CFAP74: variants seen among roughly 807,000 people sequenced by gnomAD.
CFAP74 encodes the protein cilia and flagella associated protein 74, also known as cilia- and flagella-associated protein 74.
A neutral mutation model predicts 188.9 loss-of-function variants in CFAP74; 124 were observed. That is an observed-to-expected ratio of 0.66 (90% CI 0.57 to 0.76). The LOEUF (loss-of-function observed/expected upper bound fraction) is 0.76. Ranked by LOEUF, CFAP74 falls within the 30% of genes least tolerant of loss-of-function variation. CFAP74 has a pLI of 0.00. For synonymous variants in CFAP74, 956 were observed against 916.7 expected, an observed-to-expected ratio of 1.04 and a Z score of -0.77; for missense variants, 2,198 against 2,165.2, an observed-to-expected ratio of 1.02 and a Z score of -0.30.
chr1:1,969,030 T>C (rs1020740390), intron 10 of CFAP74, among the ~76,000 whole-genome samples, 197 bp from the exon 11 acceptor site: 4 of 152,008 alleles, frequency 2.6e-5, no homozygotes, highest in Non-Finnish European at 5.9e-5. Context: ...GCAGGGCTCT[T>C]GGGGTGGGAA....
chr1:1,967,929 GTGAA>G (rs1327623265), intron 11 of CFAP74, among the ~76,000 whole-genome samples: 8 of 149,380 alleles, frequency 5.4e-5, no homozygotes, highest in East Asian at 4.0e-4. Context: ...GAATGTGTGA[GTGAA>G]TGAATGAATG....
At chr1:1,998,469 T>C (rs568270581) in intron 1 of CFAP74, among the ~76,000 whole-genome samples, 4 of 152,286 alleles carry the variant, frequency 2.6e-5, no homozygotes, top group African/African-American at 9.6e-5. Context: ...AGGAATGCTG[T>C]GAGGCTGATA....
chr1:1,988,645 C>A lies in CFAP74; in HGVS notation c.163G>T (p.Glu55Ter), dbSNP rs1356241203. The A allele has an allele frequency of 3.1e-6, 5 of 1,608,458 alleles. No homozygotes were observed. The East Asian group carries it at 8.9e-5, about 29-fold the overall frequency. ...VDPGHSSSVK[E>*]LDTDADKLKK... ...AATTTATCAGCATCAGTATCTAGTTCTTTCACTGAGCTTAGGATGAAAAGG... is the reference window on the plus strand; with the variant it reads ...AATTTATCAGCATCAGTATCTAGTTATTTCACTGAGCTTAGGATGAAAAGG... Residue 55 changes from glutamate (E) to a stop codon, truncating the protein, a stop_gained, in exon 4 of 39, where the codon GAA becomes TAA. Coordinates refer to ENST00000682832, the MANE Select transcript of CFAP74 (RefSeq NM_001304360.2). LOFTEE classifies it high-confidence loss of function.
intron 25 of CFAP74, among the ~76,000 whole-genome samples, chr1:1,936,444 T>C (rs1209233630): frequency 6.6e-6 from 1 of 151,648 alleles, no homozygotes; most frequent in African/African-American, 2.4e-5. Flanking sequence ...CTCGGGAGGC[T>C]GAGGCAGGAG....
chr1:1,976,907 G>A (rs1339211053), intron 6 of CFAP74, among the ~76,000 whole-genome samples: 1 of 151,376 alleles, frequency 6.6e-6, no homozygotes, highest in African/African-American at 2.4e-5. Context: ...GTACAGTGGT[G>A]CGGTCTCAGC....
chr1:1,999,413 C>T (rs534886717), intron 1 of CFAP74, among the ~76,000 whole-genome samples: 2 of 152,146 alleles, frequency 1.3e-5, no homozygotes, highest in East Asian at 1.9e-4. Context: ...AGCGGGGAGT[C>T]GATGGGGGGT....
chr1:1,994,776 G>A (rs769585237), intron 1 of CFAP74, among the ~76,000 whole-genome samples: 34 of 152,322 alleles, frequency 2.2e-4, no homozygotes, highest in Non-Finnish European at 3.8e-4. Context: ...TCCGGTTAAA[G>A]ACGGCACTTC....
In CFAP74 at chr1:1,985,450, A is replaced by T. The variant is rs1657173218; in HGVS notation, c.436T>A (p.Phe146Ile). The T allele has an allele frequency of 6.2e-7, 1 of 1,614,010 alleles. No individual in the cohort carries two copies. Among genetic ancestry groups the T allele is most frequent in the Non-Finnish European group, 8.5e-7 (1 of 1,180,014 alleles). ...TCTCTCTCGTTCTCCAGCTCTGCAA[A>T]CAGGCGTCTGGACACGGCCTGGAGG... ...GRLQAVSRRL[F>I]AELENERDLQ... The change falls in exon 6 of 39, where the codon TTT becomes ATT. Residue 146 changes from phenylalanine to isoleucine, a missense_variant. By Grantham distance (21) the Phe-to-Ile change is conservative (BLOSUM62 0). Coordinates refer to ENST00000682832, the MANE Select transcript of CFAP74 (RefSeq NM_001304360.2).
intron 6 of CFAP74, among the ~76,000 whole-genome samples, chr1:1,974,676 C>T (rs1056029604): frequency 6.6e-6 from 1 of 152,252 alleles, no homozygotes; most frequent in Non-Finnish European, 1.5e-5. Flanking sequence ...GCCACATGTC[C>T]TGGATGACAG....
chr1:1,990,868 A>G, intron 2 of CFAP74, 22 bp downstream of exon 2: 1 of 1,596,608 alleles, frequency 6.3e-7, no homozygotes, highest in Non-Finnish European at 8.5e-7. Context: ...AACTTCCGTT[A>G]CTGTGAAAGA....
intron 15 of CFAP74, 138 bp downstream of exon 15, chr1:1,959,826 C>CA (rs1381493832): frequency 3.4e-5 from 23 of 686,010 alleles, no homozygotes; most frequent in Non-Finnish European, 4.9e-5. Context: ...AGTAAAATAG[C>CA]AAAACAGGGG....
At chr1:1,996,693 G>T in intron 1 of CFAP74, among the ~76,000 whole-genome samples, 1 of 152,064 alleles carries the variant, frequency 6.6e-6, no homozygotes, top group East Asian at 1.9e-4. Flanking sequence ...GGCCGAGGCG[G>T]GTGGATCACT....
intron 14 of CFAP74, among the ~76,000 whole-genome samples, chr1:1,961,466 G>T (rs547647520): frequency 3.3e-5 from 5 of 152,292 alleles, no homozygotes; most frequent in African/African-American, 1.2e-4. Context: ...GAGGCAGAGG[G>T]CAGGAGAGTG....
intron 16 of CFAP74, 55 bp from the exon 17 acceptor site, chr1:1,956,839 C>A (rs1654675021): frequency 6.3e-7 from 1 of 1,578,380 alleles, no homozygotes; most frequent in Non-Finnish European, 8.6e-7. Flanking sequence ...CACAGGGTGC[C>A]CAGCGTGAGG....
At chr1:1,962,528 A>G (rs539269943) in intron 14 of CFAP74, among the ~76,000 whole-genome samples, 1 of 152,002 alleles carries the variant, frequency 6.6e-6, no homozygotes, top group Admixed American at 6.6e-5. Context: ...AAAGAGAAAC[A>G]TTGCAGAAAA....
At position 1,955,136 on chromosome 1, in the gene CFAP74, C is replaced by T. The variant is rs557642954; in HGVS notation, c.2176+555G>A. On this transcript the variant is annotated intron_variant, in intron 18 of 38. Transcript: ENST00000682832. ...GCTCCGCGCTGAGCTGCAGGGCGTG[C>T]GGAACGCGCACCACGCGAAGACAGA... The T allele has an allele frequency of 9.2e-5, 111 of 1,206,572 alleles. No individual in the cohort carries two copies. The South Asian group carries it at 9.4e-4, about 10-fold the overall frequency. The allele number at this position is 1,206,572 out of a possible 1,614,324, so 74.7% of individuals were successfully genotyped here. A position where few individuals can be genotyped will look rare whatever the true frequency, so the allele number is the denominator to read the frequency against.
At chr1:1,952,412 G>A (rs537991777) in intron 18 of CFAP74, among the ~76,000 whole-genome samples, 2 of 151,630 alleles carry the variant, frequency 1.3e-5, no homozygotes, top group Non-Finnish European at 2.9e-5. Context: ...AAATAAGATG[G>A]TAGAAACGAA....
chr1:1,951,699 T>C (rs910597842), intron 18 of CFAP74, among the ~76,000 whole-genome samples: 1 of 152,242 alleles, frequency 6.6e-6, no homozygotes, highest in Non-Finnish European at 1.5e-5. Context: ...TTGGTTGGAA[T>C]TGCATTGATC....
chr1:1,938,008 A>G (rs1289010836), intron 25 of CFAP74, among the ~76,000 whole-genome samples: 1 of 152,016 alleles, frequency 6.6e-6, no homozygotes, highest in Non-Finnish European at 1.5e-5. Flanking sequence ...ACTCACACAT[A>G]CAAGCACTCA....
Sources: gnomAD v4.1 joint callset for allele counts (sites outside exome capture counted in the v4.1 genomes callset) on GRCh38, gnomAD v4.1.1 for gene constraint, MANE v1.5 for transcripts, NCBI Gene and HGNC (gene_info 2026-07-23, HGNC 2026-07-21) for gene names.